Variants in PLEKHO2 observed in about 807,000 individuals in gnomAD.
PLEKHO2 encodes the protein pleckstrin homology domain-containing family O member 2.
In PLEKHO2, 20 loss-of-function variants were observed where a neutral mutation model predicts 32.7. The observed-to-expected ratio is 0.61, with a 90% confidence interval of 0.43 to 0.89. The LOEUF is 0.89. Among genes scored for constraint, PLEKHO2 ranks in the 40% least tolerant of loss-of-function variants. The pLI, the probability that PLEKHO2 is intolerant of heterozygous loss-of-function variation, is 0.00. For missense variants in PLEKHO2, 568 were observed against 621.2 expected, an observed-to-expected ratio of 0.91 and a Z score of 0.91; for synonymous variants, 247 against 246.3, an observed-to-expected ratio of 1.00 and a Z score of -0.03.
intron 3 of PLEKHO2, among the ~76,000 whole-genome samples, chr15:64,856,090 T>C (rs547877369): frequency 6.6e-6 from 1 of 152,038 alleles, no homozygotes; most frequent in South Asian, 2.1e-4. Flanking sequence ...GCTGGTATAA[T>C]TATAGTGTTA....
intron 2 of PLEKHO2, 55 bp from the exon 3 acceptor site, chr15:64,854,866 G>A: frequency 1.5e-6 from 2 of 1,346,268 alleles, no homozygotes; most frequent in Non-Finnish European, 2.1e-6. Flanking sequence ...AGTAGTTGAG[G>A]GTGGTGGTGG....
Position 64,866,549 on chromosome 15 carries a change from A to G in PLEKHO2, c.*661A>G. 2.7e-6 allele frequency: 1 copy of G among 365,576 alleles called. No individual in the cohort carries two copies. The highest frequency in any genetic ancestry group is 5.5e-6 in the Non-Finnish European group (1 of 183,264). The allele number at this position is 365,576 out of a possible 1,614,324, so 22.6% of individuals were successfully genotyped here. ...GCCCTGTTTCCTTTTTTGCAAAACA[A>G]GGACATTTTCTGCAGCCCCTTCCTC... On this transcript the variant is annotated 3_prime_UTR_variant, in exon 6 of 6. Coordinates refer to ENST00000323544, the MANE Select transcript of PLEKHO2 (RefSeq NM_025201.5).
chr15:64,861,497 C>A lies in PLEKHO2; in HGVS notation c.405C>A (p.Cys135Ter). ...AFDEVKVDKS[C>*]ALEHVTRDRV... ...TCCAGGTAAAGGTGGACAAGAGCTG[C>A]GCCCTGGAGCATGTGACACGGGACC... The change falls in exon 5 of 6, where the codon TGC becomes TGA. Residue 135 changes from cysteine to a stop codon, truncating the protein, a stop_gained. Transcript: ENST00000323544. LOFTEE classifies it high-confidence loss of function. 1 of 1,604,682 alleles carries A rather than the reference C, an allele frequency of 6.2e-7. No individual in the cohort carries two copies. The highest frequency in any genetic ancestry group is 8.5e-7 in the Non-Finnish European group (1 of 1,176,418).
chr15:64,850,407 T>A (rs952199166), intron 2 of PLEKHO2, among the ~76,000 whole-genome samples: 4 of 152,200 alleles, frequency 2.6e-5, no homozygotes, highest in African/African-American at 9.7e-5. Flanking sequence ...ACTCCAAAAC[T>A]TATTTTTGTT....
chr15:64,849,603 C>T (rs12102216), intron 2 of PLEKHO2, among the ~76,000 whole-genome samples: 17,364 of 151,464 alleles, frequency 0.11, 3,092 homozygotes, highest in African/African-American at 0.38. Context: ...GCTACCACAC[C>T]CGGCTAATTT....
chr15:64,846,506 G>T (rs950062907), intron 1 of PLEKHO2, among the ~76,000 whole-genome samples: 1 of 152,062 alleles, frequency 6.6e-6, no homozygotes, highest in Non-Finnish European at 1.5e-5. Context: ...TAGAGTTGGG[G>T]TTTCCCCATG....
At chr15:64,843,584 T>TG (rs771838066) in intron 1 of PLEKHO2, among the ~76,000 whole-genome samples, 24 of 147,026 alleles carry the variant, frequency 1.6e-4, no homozygotes, top group Admixed American at 6.8e-4. Flanking sequence ...TTTCTTTTCT[T>TG]TTTTTTTTTT....
chr15:64,860,432 C>A (rs949861568), intron 4 of PLEKHO2, among the ~76,000 whole-genome samples: 1 of 152,198 alleles, frequency 6.6e-6, no homozygotes, highest in South Asian at 2.1e-4. Context: ...CTGCAATGAC[C>A]ATTCAGCCCT....
intron 1 of PLEKHO2, among the ~76,000 whole-genome samples, chr15:64,842,390 C>CTG (rs1184410989): frequency 6.5e-4 from 94 of 145,282 alleles, no homozygotes; most frequent in African/African-American, 8.3e-4. Flanking sequence ...CTCTCTCTCT[C>CTG]TGTGTGTGTG....
intron 1 of PLEKHO2, among the ~76,000 whole-genome samples, chr15:64,843,245 CAA>C (rs1416559719): frequency 4.6e-5 from 7 of 152,236 alleles, no homozygotes; most frequent in Non-Finnish European, 5.9e-5. Context: ...TCCTCTTCTA[CAA>C]AATATAGTGC....
rs535153431 is a variant in PLEKHO2 at position 64,867,373 on chromosome 15, T to A, written c.*1485T>A. The A allele has an allele frequency of 2.6e-5, 4 of 152,758 alleles. No individual in the cohort carries two copies. The East Asian group carries it at 7.7e-4, about 29-fold the overall frequency. The allele number at this position is 152,758 out of a possible 1,614,324, so 9.5% of individuals were successfully genotyped here. ...CAAGGATCAGGAGGGGCAGATGTCTTCTCTGGGCTGCGTGGGGCCGGAGCA... is the reference window on the plus strand; with the variant it reads ...CAAGGATCAGGAGGGGCAGATGTCTACTCTGGGCTGCGTGGGGCCGGAGCA... On this transcript the variant is annotated 3_prime_UTR_variant, in exon 6 of 6. Coordinates refer to ENST00000323544, the MANE Select transcript of PLEKHO2 (RefSeq NM_025201.5).
At position 64,860,994 on chromosome 15, in the gene PLEKHO2, C is replaced by A. The variant is rs555590164; in HGVS notation, c.385-483C>A. Among the ~76,000 whole-genome samples the A allele has an allele frequency of 2.0e-5, 3 of 152,366 alleles. No individual in the cohort carries two copies. In the South Asian group the frequency reaches 6.2e-4, roughly 32 times the overall value. On this transcript the variant is annotated intron_variant, in intron 4 of 5. Coordinates refer to ENST00000323544, the MANE Select transcript of PLEKHO2 (RefSeq NM_025201.5). ...TGAGACTTCCCAGCCAATCCTGACC[C>A]CTTCTGTTACCCTCAGAGAGAAGAT...
chr15:64,850,626 T>G (rs9302235), intron 2 of PLEKHO2, among the ~76,000 whole-genome samples: 55,270 of 152,024 alleles, frequency 0.36, 10,918 homozygotes, highest in South Asian at 0.46. Flanking sequence ...CTTTCTCCTT[T>G]AACATCAAGC....
At chr15:64,842,334 G>A (rs1195679809) in intron 1 of PLEKHO2, among the ~76,000 whole-genome samples, 2 of 151,688 alleles carry the variant, frequency 1.3e-5, no homozygotes, top group Non-Finnish European at 2.9e-5. Context: ...AAGTGGCCTG[G>A]GTGACTGGGC....
chr15:64,864,857 T>C (rs2084669497), intron 5 of PLEKHO2, 42 bp from the exon 6 acceptor site: 2 of 1,535,862 alleles, frequency 1.3e-6, no homozygotes, highest in Non-Finnish European at 8.8e-7. Context: ...ACCCAATGGC[T>C]AGTCAGCCAA....
At chr15:64,863,868 C>T (rs557638047) in intron 5 of PLEKHO2, among the ~76,000 whole-genome samples, 99 of 150,574 alleles carry the variant, frequency 6.6e-4, no homozygotes, top group South Asian at 1.6e-3. Flanking sequence ...CTCAGCCTCC[C>T]GAGTAGCTGG....
chr15:64,856,405 A>G (rs946766105), intron 3 of PLEKHO2, among the ~76,000 whole-genome samples: 18 of 151,776 alleles, frequency 1.2e-4, no homozygotes, highest in African/African-American at 4.4e-4. Flanking sequence ...TTAGTATGCT[A>G]TGTGGATGTG....
In PLEKHO2 at chr15:64,844,383, AG is replaced by A. The variant is rs369393296; in HGVS notation, c.12+2358del. Among the ~76,000 whole-genome samples, 345 of 152,312 alleles carry A rather than the reference AG, an allele frequency of 2.3e-3. 2 individuals carry two copies. Among genetic ancestry groups the A allele is most frequent in the African/African-American group, 8.2e-3 (339 of 41,574 alleles). On this transcript the variant is annotated intron_variant, in intron 1 of 5. Coordinates refer to ENST00000323544, the MANE Select transcript of PLEKHO2 (RefSeq NM_025201.5). The stretch of plus-strand genomic sequence containing the variant: ...TCGGTTCCTCCTTTGTAAAAGGAAA[AG>A]GGTGGGTGATCGAGCAATGTGATGA...
chr15:64,855,685 G>A (rs1411412908), intron 3 of PLEKHO2, among the ~76,000 whole-genome samples: 1 of 152,200 alleles, frequency 6.6e-6, no homozygotes, highest in Non-Finnish European at 1.5e-5. Flanking sequence ...GGTGGGTGTT[G>A]ACACATGGTG....
Sources: gnomAD v4.1 joint callset for allele counts (sites outside exome capture counted in the v4.1 genomes callset) on GRCh38, gnomAD v4.1.1 for gene constraint, MANE v1.5 for transcripts, NCBI Gene and HGNC (gene_info 2026-07-23, HGNC 2026-07-21) for gene names.